Variants in DDHD2 observed in about 807,000 individuals in gnomAD.
DDHD2 encodes triacylglycerol hydrolase DDHD2.
In DDHD2, 62 loss-of-function variants were observed where a neutral mutation model predicts 91.2. The observed-to-expected ratio is 0.68, with a 90% confidence interval of 0.55 to 0.84. The LOEUF is 0.84. DDHD2 is among the 40% of genes least tolerant of loss of function. The pLI is 0.00. For missense variants in DDHD2, 740 were observed against 846.9 expected (o/e 0.87, Z 1.57); for synonymous variants, 271 against 293.9 (o/e 0.92, Z 0.80).
At chr8:38,268,008 T>A in intron 1 of DDHD2, 1 of 1,613,662 alleles carries the variant, frequency 6.2e-7, no homozygotes, top group Middle Eastern at 1.7e-4. Flanking sequence ...GGAGGAAAGG[T>A]ATGGTCATGG....
Position 38,249,797 on chromosome 8 carries a change from C to A in DDHD2, c.1338C>A (p.Asn446Lys), listed in dbSNP as rs746303011. Residue 446 changes from asparagine (N) to lysine (K), a missense_variant, in exon 11 of 18, where the codon AAC becomes AAA. By Grantham distance (94) the Asn-to-Lys change is moderately conservative. Transcript: ENST00000397166. ...TAAACTATTTCAGCACCAGAAAAAA[C>A]TCAATGGTATGTGCCTAATACAGCT... ...KILNYFSTRKNSMGIKRPAPQ... is the reference protein window; with the variant it reads ...KILNYFSTRKKSMGIKRPAPQ... 6.2e-7 allele frequency: 1 copy of A among 1,600,566 alleles called. No homozygotes were observed. Among genetic ancestry groups the A allele is most frequent in the South Asian group, 1.1e-5 (1 of 90,618 alleles).
chr8:38,265,111 C>A (rs1400111589), downstream of DDHD2: 5 of 593,186 alleles, frequency 8.4e-6, no homozygotes, highest in East Asian at 1.2e-4. Context: ...ACTAAAAATA[C>A]AAAAATTAGC....
intron 10 of DDHD2, among the ~76,000 whole-genome samples, chr8:38,249,376 A>G (rs1276751873): frequency 6.6e-6 from 1 of 151,294 alleles, no homozygotes; most frequent in Non-Finnish European, 1.5e-5. Context: ...TGCTGGGATT[A>G]CAGGCGTGAG....
chr8:38,255,398 C>G (rs1482815841), intron 16 of DDHD2: 2 of 461,632 alleles, frequency 4.3e-6, no homozygotes, highest in Non-Finnish European at 8.4e-6. Flanking sequence ...AAGCAGAGTT[C>G]TTTTAATATT....
intron 6 of DDHD2, among the ~76,000 whole-genome samples, chr8:38,240,739 A>C (rs1336197783): frequency 1.3e-5 from 2 of 152,214 alleles, no homozygotes; most frequent in African/African-American, 2.4e-5. Context: ...TTGATATTGT[A>C]ATTGGAGGAT....
chr8:38,267,382 T>G (rs765200245), downstream of DDHD2: 8 of 1,613,466 alleles, frequency 5.0e-6, no homozygotes, highest in Non-Finnish European at 6.8e-6. Flanking sequence ...AGAAGAAATC[T>G]GGGCGTGGCC....
chr8:38,265,044 G>C (rs2130914439), downstream of DDHD2: 1 of 832,908 alleles, frequency 1.2e-6, no homozygotes, highest in East Asian at 2.4e-5. Context: ...CCAGGCAGAT[G>C]GATCCCGAGG....
rs1163727183 is a variant in DDHD2 at position 38,261,781 on chromosome 8, T to A, written c.*1208T>A. 1 of 152,232 alleles carries A rather than the reference T, an allele frequency of 6.6e-6. No individual in the cohort carries two copies. Among genetic ancestry groups the A allele is most frequent in the Non-Finnish European group, 1.5e-5 (1 of 68,030 alleles). The allele number at this position is 152,232 out of a possible 1,614,324, so 9.4% of individuals were successfully genotyped here. ...TTGTCAAGGCATCTTTTCACTACTT[T>A]GCTGTAGATTTTTCTTCTTCATTGG... On this transcript the variant is annotated 3_prime_UTR_variant, in exon 18 of 18. Coordinates refer to ENST00000397166, the MANE Select transcript of DDHD2 (RefSeq NM_015214.3).
chr8:38,247,968 A>G (rs1021498923), intron 10 of DDHD2, 133 bp downstream of exon 10: 9 of 712,920 alleles, frequency 1.3e-5, no homozygotes, highest in Admixed American at 3.6e-5. Flanking sequence ...AGCATTATTT[A>G]TTTGCTTTTT....
chr8:38,241,569 C>T (rs946922864), intron 6 of DDHD2, among the ~76,000 whole-genome samples: 1 of 151,552 alleles, frequency 6.6e-6, no homozygotes, highest in Non-Finnish European at 1.5e-5. Context: ...TACAGGCGCA[C>T]ACCACCATGC....
intron 9 of DDHD2, 38 bp from the exon 10 acceptor site, chr8:38,247,675 G>A: frequency 7.4e-7 from 1 of 1,347,966 alleles, no homozygotes; most frequent in Non-Finnish European, 1.0e-6. Flanking sequence ...GAAACTAAAT[G>A]AATTTCAAGA....
At chr8:38,234,630 T>G (rs1172841988) in intron 3 of DDHD2, 46 bp downstream of exon 3, 1 of 1,442,990 alleles carries the variant, frequency 6.9e-7, no homozygotes, top group Non-Finnish European at 9.4e-7. Flanking sequence ...TTCTCTTATT[T>G]AATAATCTTT....
At position 38,234,427 on chromosome 8, in the gene DDHD2, A is replaced by T; in HGVS notation, c.254A>T (p.Asp85Val). The change falls in exon 3 of 18, where the codon GAT (aspartate) becomes GTT (valine). Residue 85 changes from aspartate (D) to valine (V), a missense_variant. This residue lies in a region of DDHD2 where 693 missense variants were observed against 764.2 expected (regional missense o/e 0.91). Transcript: ENST00000397166. Reference sequence around the variant, plus strand: ...TGTAATGGGAGAGTTGTTCCTACTGATGGGGGCAGATATGATGTTCATTTG... The same window carrying T: ...TGTAATGGGAGAGTTGTTCCTACTGTTGGGGGCAGATATGATGTTCATTTG... ...KGCNGRVVPT[D>V]GGRYDVHLGE... The T allele has an allele frequency of 1.2e-6, 2 of 1,602,942 alleles. No homozygotes were observed. Among genetic ancestry groups the T allele is most frequent in the Non-Finnish European group, 1.7e-6 (2 of 1,177,474 alleles).
intron 1 of DDHD2, 64 bp from the exon 2 acceptor site, chr8:38,232,923 G>C (rs1804401523): frequency 3.8e-6 from 4 of 1,057,202 alleles, no homozygotes; most frequent in Admixed American, 4.5e-5. Context: ...AGTTTTGTGC[G>C]TGTGTGTGTG....
At chr8:38,243,360 T>C (rs982866361) in intron 7 of DDHD2, among the ~76,000 whole-genome samples, 9 of 152,230 alleles carry the variant, frequency 5.9e-5, no homozygotes, top group South Asian at 2.1e-4. Flanking sequence ...GAGAGGGAGC[T>C]GATCTCTTTA....
At chr8:38,246,126 T>C (rs1805614856) in intron 8 of DDHD2, 107 bp from the exon 9 acceptor site, 1 of 1,086,442 alleles carries the variant, frequency 9.2e-7, no homozygotes, top group Non-Finnish European at 1.4e-6. Flanking sequence ...GACTCCTTGC[T>C]GTATAGATTT....
intron 7 of DDHD2, 71 bp downstream of exon 7, chr8:38,242,456 C>T (rs745376390): frequency 3.2e-5 from 47 of 1,477,656 alleles, no homozygotes; most frequent in African/African-American, 8.5e-5. Context: ...TGCTTGGGGA[C>T]GTTTTTATGC....
intron 11 of DDHD2, 81 bp downstream of exon 11, chr8:38,249,884 T>C: frequency 1.0e-6 from 1 of 966,684 alleles, no homozygotes; most frequent in Admixed American, 2.6e-5. Flanking sequence ...GGATGTTTAC[T>C]CTGGGGAGCC....
At chr8:38,260,195 A>T in intron 17 of DDHD2, 48 bp downstream of exon 17, 4 of 1,063,244 alleles carry the variant, frequency 3.8e-6, no homozygotes, top group Non-Finnish European at 5.8e-6. Flanking sequence ...ACATATTAAC[A>T]TGTTATAATG....
Sources: gnomAD v4.1 joint callset for allele counts (sites outside exome capture counted in the v4.1 genomes callset) on GRCh38, gnomAD v4.1.1 for gene constraint, gnomAD v4.1.1 regional missense constraint, MANE v1.5 for transcripts, NCBI Gene and HGNC (gene_info 2026-07-23, HGNC 2026-07-21) for gene names.